CPLANE1: variants seen among roughly 807,000 people sequenced by gnomAD.
The protein encoded by CPLANE1 is ciliogenesis and planar polarity effector 1.
In CPLANE1, 263 loss-of-function variants were observed where a neutral mutation model predicts 362.5. The observed-to-expected ratio is 0.73, with a 90% confidence interval of 0.66 to 0.80. The LOEUF (loss-of-function observed/expected upper bound fraction) is 0.80. CPLANE1 is among the 30% of genes least tolerant of loss of function. CPLANE1 has a pLI of 0.00. For synonymous variants in CPLANE1, 1,212 were observed against 1,302.6 expected, an observed-to-expected ratio of 0.93 and a Z score of 1.50; for missense variants, 3,461 against 3,793.4, an observed-to-expected ratio of 0.91 and a Z score of 2.30.
Position 37,137,100 on chromosome 5 carries a change from C to CA in CPLANE1, c.8792+1619dup, listed in dbSNP as rs146479653. On this transcript the variant is annotated intron_variant, in intron 46 of 52. Transcript: ENST00000651892. ...TCTTTTATATTGCACTGTCAGCCTG[C>CA]AAATTTTCCAAACTTTCATGCTCTG... Among the ~76,000 whole-genome samples, 756 of 152,334 alleles carry CA rather than the reference C, an allele frequency of 5.0e-3. 9 individuals carry two copies. Among genetic ancestry groups the CA allele is most frequent in the East Asian group, 0.037 (193 of 5,188 alleles).
Position 37,165,527 on chromosome 5 carries a change from G to C in CPLANE1, c.7533+12C>G. On this transcript the variant is annotated intron_variant, in intron 36 of 52. Coordinates refer to ENST00000651892, the MANE Select transcript of CPLANE1 (RefSeq NM_001384732.1). ...GCAAACCAGGGAAGAATCTATAGCA[G>C]TTTTTCTATACCTTGGGTTTCTTAA... is the stretch of plus-strand genomic sequence containing the variant. 1 of 1,607,988 alleles carries C rather than the reference G, an allele frequency of 6.2e-7. No homozygotes were observed. The highest frequency in any genetic ancestry group is 8.5e-7 in the Non-Finnish European group (1 of 1,177,990).
chr5:37,095,043 A>G, the CPLANE1 span, among the ~76,000 whole-genome samples: 1 of 152,236 alleles, frequency 6.6e-6, no homozygotes, highest in Non-Finnish European at 1.5e-5. Context: ...ACACTATTCC[A>G]CAAGATAGAC....
intron 30 of CPLANE1, 53 bp downstream of exon 30, chr5:37,177,568 A>G: frequency 4.6e-6 from 6 of 1,311,800 alleles, no homozygotes; most frequent in Non-Finnish European, 6.5e-6. Flanking sequence ...AAAAGCTGAA[A>G]GCTTCACTGA....
chr5:37,162,406 T>C lies in CPLANE1; in HGVS notation c.7690+59A>G, dbSNP rs551530333. 125 of 1,041,970 alleles carry C rather than the reference T, an allele frequency of 1.2e-4. 4 individuals are homozygous for C. The South Asian group carries it at 1.7e-3, about 14-fold the overall frequency. 64.5% of individuals were successfully genotyped at this position (1,041,970 alleles called of 1,614,324 possible). On this transcript the variant is annotated intron_variant, in intron 38 of 52. Transcript: ENST00000651892. ...AAATCACTGTCTTAAAGGAAAAGTC[T>C]AGATAACTTAATTGTATCAAAATAT...
At chr5:37,232,839 CAAAAAAAAAAAAAAA>C (rs765038993) in intron 8 of CPLANE1, among the ~76,000 whole-genome samples, 4 of 62,008 alleles carry the variant, frequency 6.5e-5, no homozygotes, top group Admixed American at 1.9e-4. Flanking sequence ...GACCTTGTTG[CAAAAAAAAAAAAAAA>C]AAAAAAAAGA....
At chr5:37,205,597 C>G in intron 17 of CPLANE1, 143 bp from the exon 18 acceptor site, 1 of 598,678 alleles carries the variant, frequency 1.7e-6, no homozygotes, top group Non-Finnish European at 2.8e-6. Flanking sequence ...AAGATATATT[C>G]AAGGAAATAT....
intron 41 of CPLANE1, among the ~76,000 whole-genome samples, chr5:37,156,504 C>G (rs1385563185): frequency 6.6e-6 from 1 of 152,038 alleles, no homozygotes; most frequent in African/African-American, 2.4e-5. Context: ...ACTTAGGAGG[C>G]TGAGGCAGGA....
Position 37,157,734 on chromosome 5 carries a change from T to G in CPLANE1, c.7947A>C (p.Ala2649=). 1.2e-6 allele frequency: 2 copies of G among 1,613,994 alleles called. No homozygotes were observed. Among genetic ancestry groups the G allele is most frequent in the Non-Finnish European group, 1.7e-6 (2 of 1,179,944 alleles). The part of the protein sequence containing the change: ...QSDHLAVPSS[A]ELHYMAASVT... ...CTGAAGCTGCCATATAATGTAACTC[T>G]GCAGACGATGGAACTGCTAGATGAT... Residue 2649 remains alanine, a synonymous_variant, in exon 40 of 53, where the codon GCA becomes GCC. Transcript: ENST00000651892.
Position 37,173,899 on chromosome 5 carries a change from C to T in CPLANE1, c.6027G>A (p.Leu2009=). 1 of 1,614,086 alleles carries T rather than the reference C, an allele frequency of 6.2e-7. No individual in the cohort carries two copies. Among genetic ancestry groups the T allele is most frequent in the South Asian group, 1.1e-5 (1 of 91,070 alleles). The change falls in exon 32 of 53, where the codon CTG becomes CTA. Residue 2009 remains leucine (L), a synonymous_variant. Transcript: ENST00000651892. ...YKEKSSSVPL[L]ISNGVNVASQ... is the part of the protein sequence containing the mutation. ...AAGCAACATTGACTCCATTTGATAT[C>T]AGAAGTGGAACTGAGGAAGATTTTT...
the CPLANE1 span, among the ~76,000 whole-genome samples, chr5:37,081,485 G>T: frequency 6.6e-6 from 1 of 151,726 alleles, no homozygotes; most frequent in South Asian, 2.1e-4. Flanking sequence ...ATCACACCTG[G>T]CTAATTTTTG....
chr5:37,180,035 GCATATC>G lies in CPLANE1; in HGVS notation c.5713_5718del (p.Asp1905_Met1906del). ...AACTGACCTTCATAGTCTGATATGT[GCATATC>G]CATTTCCTCTTCTGTAAATGCTTCT... is the stretch of plus-strand genomic sequence containing the variant. On this transcript the variant is annotated inframe_deletion, in exon 28 of 53. Transcript: ENST00000651892. The G allele has an allele frequency of 6.4e-7, 1 of 1,566,882 alleles. No individual in the cohort carries two copies. Among genetic ancestry groups the G allele is most frequent in the Non-Finnish European group, 8.6e-7 (1 of 1,158,260 alleles).
chr5:37,083,252 C>A, the CPLANE1 span, among the ~76,000 whole-genome samples: 9 of 152,254 alleles, frequency 5.9e-5, no homozygotes, highest in Non-Finnish European at 1.0e-4. Flanking sequence ...CAAGAGAACA[C>A]CCTGCAGGAC....
At chr5:37,179,478 A>T in intron 28 of CPLANE1, 35 bp from the exon 29 acceptor site, 1 of 1,436,086 alleles carries the variant, frequency 7.0e-7, no homozygotes, top group Non-Finnish European at 9.7e-7. Flanking sequence ...AAAACTGATC[A>T]TTTAAAAAAT....
chr5:37,124,958 G>A, intron 47 of CPLANE1: 1 of 1,140,916 alleles, frequency 8.8e-7, no homozygotes, highest in Non-Finnish European at 1.1e-6. Flanking sequence ...AACTCCAATT[G>A]GTCACCCAAT....
At chr5:37,146,509 C>G (rs1326141306) in intron 43 of CPLANE1, among the ~76,000 whole-genome samples, 2 of 151,948 alleles carry the variant, frequency 1.3e-5, no homozygotes, top group Non-Finnish European at 2.9e-5. Context: ...AGACAATTGG[C>G]AACATTTGAA....
intron 17 of CPLANE1, among the ~76,000 whole-genome samples, chr5:37,205,971 A>T (rs961810850): frequency 1.3e-5 from 2 of 152,194 alleles, no homozygotes; most frequent in Admixed American, 1.3e-4. Flanking sequence ...TAAATTAACT[A>T]AAGTTAAATT....
intron 42 of CPLANE1, 145 bp downstream of exon 42, chr5:37,153,595 T>C: frequency 1.3e-6 from 1 of 768,636 alleles, no homozygotes; most frequent in East Asian, 2.7e-5. Context: ...CTGGCTCAAA[T>C]GTCAATAGTG....
intron 8 of CPLANE1, among the ~76,000 whole-genome samples, chr5:37,238,413 C>T (rs554214704): frequency 5.3e-5 from 8 of 151,058 alleles, no homozygotes; most frequent in Admixed American, 2.0e-4. Flanking sequence ...AAACTCCTGA[C>T]CTCAGGTGAT....
At chr5:37,159,150 G>C (rs1256471729) in intron 38 of CPLANE1, among the ~76,000 whole-genome samples, 1 of 122,396 alleles carries the variant, frequency 8.2e-6, no homozygotes, top group Non-Finnish European at 1.6e-5. Context: ...TGTCGCCCAG[G>C]CCGGACTGCG....
Sources: gnomAD v4.1 joint callset for allele counts (sites outside exome capture counted in the v4.1 genomes callset) on GRCh38, gnomAD v4.1.1 for gene constraint, MANE v1.5 for transcripts, NCBI Gene and HGNC (gene_info 2026-07-23, HGNC 2026-07-21) for gene names.